Variants in SMCO4 observed in about 807,000 individuals in gnomAD.
SMCO4 encodes the protein single-pass membrane and coiled-coil domain-containing protein 4.
A neutral mutation model predicts 3.6 loss-of-function variants in SMCO4; 4 were observed. The observed-to-expected ratio is 1.11, with a 90% CI of 0.54 to 2.53. The LOEUF (loss-of-function observed/expected upper bound fraction) is 2.53, where lower values mean the gene tolerates loss of function less well. Ranked by LOEUF, SMCO4 falls within the 30% of genes most tolerant of loss-of-function variation. The pLI, the probability that SMCO4 is intolerant of heterozygous loss-of-function variation, is 0.02. For missense variants in SMCO4, 70 were observed against 80.8 expected, an observed-to-expected ratio of 0.87 and a Z score of 0.51; for synonymous variants, 36 against 35.3, an observed-to-expected ratio of 1.02 and a Z score of -0.07.
intron 1 of SMCO4, among the ~76,000 whole-genome samples, chr11:93,515,231 G>A (rs759672578): frequency 7.9e-5 from 12 of 152,134 alleles, no homozygotes; most frequent in Non-Finnish European, 1.0e-4. Context: ...AGTGGAGCGC[G>A]TTATTGGCAC....
chr11:93,536,511 G>A (rs904752686), intron 1 of SMCO4, among the ~76,000 whole-genome samples: 13 of 152,144 alleles, frequency 8.5e-5, no homozygotes, highest in African/African-American at 2.7e-4. Flanking sequence ...AAAAGCTCTC[G>A]AAAATATACT....
rs1948931379 is a variant in SMCO4, at chr11:93,508,774, G to A, written c.-153-9426C>T. Among the ~76,000 whole-genome samples, 4 of 152,240 alleles carry A rather than the reference G, an allele frequency of 2.6e-5. No homozygotes were observed. In the South Asian group the frequency reaches 8.3e-4, roughly 32 times the overall value. ...TAGAAATAAAAAGAAGTAGTGAGGA[G>A]AGAAAATTGGTTCCTATTTCCAGAG... On this transcript the variant is annotated intron_variant, in intron 1 of 2. Coordinates refer to ENST00000298966, the MANE Select transcript of SMCO4 (RefSeq NM_020179.3).
intron 1 of SMCO4, among the ~76,000 whole-genome samples, chr11:93,509,745 C>T (rs1948941433): frequency 1.3e-5 from 2 of 152,114 alleles, no homozygotes; most frequent in Admixed American, 6.5e-5. Flanking sequence ...TATGTTCTCA[C>T]TCATAATTGG....
chr11:93,484,434 C>T (rs769257247), intron 2 of SMCO4, among the ~76,000 whole-genome samples: 11 of 152,176 alleles, frequency 7.2e-5, no homozygotes, highest in Non-Finnish European at 1.5e-4. Context: ...AGGTTTGTGC[C>T]TTAGCTCTGC....
intron 2 of SMCO4, among the ~76,000 whole-genome samples, chr11:93,495,460 A>G (rs1489480523): frequency 2.6e-5 from 4 of 152,158 alleles, no homozygotes; most frequent in Non-Finnish European, 5.9e-5. Context: ...TCCGACACAC[A>G]CAGGAGTAAA....
At chr11:93,496,000 T>C (rs894613297) in intron 2 of SMCO4, among the ~76,000 whole-genome samples, 2 of 152,222 alleles carry the variant, frequency 1.3e-5, no homozygotes, top group African/African-American at 4.8e-5. Flanking sequence ...TGTGCCTCTG[T>C]AGCCAGGCCT....
At chr11:93,532,781 G>C (rs78477454) in intron 1 of SMCO4, among the ~76,000 whole-genome samples, 1 of 152,176 alleles carries the variant, frequency 6.6e-6, no homozygotes, top group African/African-American at 2.4e-5. Context: ...AGAGCCCCCA[G>C]ATCCATGGGA....
At chr11:93,507,226 G>A (rs961888899) in intron 1 of SMCO4, among the ~76,000 whole-genome samples, 2 of 152,114 alleles carry the variant, frequency 1.3e-5, no homozygotes, top group Admixed American at 6.6e-5. Context: ...ACAACATGGT[G>A]AAACCCTATC....
intron 1 of SMCO4, among the ~76,000 whole-genome samples, chr11:93,538,174 T>C (rs1949243956): frequency 6.6e-6 from 1 of 152,236 alleles, no homozygotes; most frequent in Non-Finnish European, 1.5e-5. Context: ...TGGGCTCTGA[T>C]GCCCGCTTCC....
At chr11:93,482,427 C>G (rs1466623391) in intron 2 of SMCO4, among the ~76,000 whole-genome samples, 2 of 152,186 alleles carry the variant, frequency 1.3e-5, no homozygotes, top group Non-Finnish European at 2.9e-5. Flanking sequence ...ATAAATGAGT[C>G]AGGAGCTGGG....
At chr11:93,481,319 G>A (rs990330705) in intron 2 of SMCO4, 7 of 471,712 alleles carry the variant, frequency 1.5e-5, no homozygotes, top group Admixed American at 6.4e-5. Context: ...CTGCCCGCCC[G>A]CAGGGACGCG....
intron 2 of SMCO4, among the ~76,000 whole-genome samples, chr11:93,480,909 T>G (rs932811536): frequency 6.6e-6 from 1 of 152,186 alleles, no homozygotes; most frequent in East Asian, 1.9e-4. Flanking sequence ...TTTCCTAAGG[T>G]ATGAGATGAC....
chr11:93,551,775 C>T, the SMCO4 span, among the ~76,000 whole-genome samples: 5 of 152,154 alleles, frequency 3.3e-5, no homozygotes, highest in African/African-American at 4.8e-5. Context: ...GAATTTTCAG[C>T]ATTTAGTAGT....
chr11:93,544,216 C>A (rs1192504171), upstream of SMCO4, among the ~76,000 whole-genome samples: 1 of 152,238 alleles, frequency 6.6e-6, no homozygotes, highest in Non-Finnish European at 1.5e-5. Flanking sequence ...GTTCTTTACG[C>A]AGCCCCGATG....
chr11:93,489,249 T>C (rs1053973265), intron 2 of SMCO4, among the ~76,000 whole-genome samples: 1 of 152,190 alleles, frequency 6.6e-6, no homozygotes, highest in Non-Finnish European at 1.5e-5. Context: ...GGGCTAATAA[T>C]TGGACCTAGA....
upstream of SMCO4, among the ~76,000 whole-genome samples, chr11:93,546,271 C>T (rs1045837746): frequency 6.6e-6 from 1 of 152,204 alleles, no homozygotes; most frequent in African/African-American, 2.4e-5. Flanking sequence ...CATGTAAATA[C>T]CCTCTTTGAA....
At chr11:93,528,592 T>G (rs1949133390) in intron 1 of SMCO4, among the ~76,000 whole-genome samples, 1 of 152,170 alleles carries the variant, frequency 6.6e-6, no homozygotes, top group Non-Finnish European at 1.5e-5. Context: ...TCATGTTCCC[T>G]GTGCCTAAAC....
intron 1 of SMCO4, among the ~76,000 whole-genome samples, chr11:93,542,285 G>T (rs1481436670): frequency 6.6e-6 from 1 of 152,216 alleles, no homozygotes; most frequent in African/African-American, 2.4e-5. Flanking sequence ...GTGAGCAGAT[G>T]CGCTGTTGGG....
At chr11:93,521,194 T>C (rs1351034624) in intron 1 of SMCO4, among the ~76,000 whole-genome samples, 9 of 152,210 alleles carry the variant, frequency 5.9e-5, no homozygotes, top group Non-Finnish European at 1.0e-4. Context: ...TCACTTCCTT[T>C]CACTGCCACA....
Sources: allele counts gnomAD v4.1 joint callset (sites outside exome capture counted in the v4.1 genomes callset), GRCh38; gene constraint gnomAD v4.1.1; transcripts MANE v1.5; gene names NCBI Gene and HGNC (gene_info 2026-07-23, HGNC 2026-07-21).